FOXJ3: variants seen among roughly 807,000 people sequenced by gnomAD.
FOXJ3 encodes the protein forkhead box J3, also known as forkhead box protein J3.
A neutral mutation model predicts 76.1 loss-of-function variants in FOXJ3; 22 were observed. That is an observed-to-expected ratio of 0.29 (90% CI 0.21 to 0.41). The LOEUF (loss-of-function observed/expected upper bound fraction) is 0.41, where lower values mean the gene tolerates loss of function less well. Ranked by LOEUF, FOXJ3 falls within the 10% of genes least tolerant of loss-of-function variation. The probability of loss-of-function intolerance (pLI) is 1.00; values close to 1 mark genes in which losing one functional copy is unlikely to be tolerated. For synonymous variants in FOXJ3, 269 were observed against 261.2 expected (o/e 1.03, Z -0.29); for missense variants, 613 against 762.1 (o/e 0.80, Z 2.30).
In FOXJ3 at chr1:42,266,430, A is replaced by G. The variant is rs543277582; in HGVS notation, c.370-1241T>C. On this transcript the variant is annotated intron_variant, in intron 3 of 12. Transcript: ENST00000361346. ...GCTCAGGTTGCAAGGCAACCAAACC[A>G]CATTCCTAAGAGGAGCAAGGCTATT... Among the ~76,000 whole-genome samples the G allele has an allele frequency of 2.0e-5, 3 of 152,282 alleles. No individual in the cohort carries two copies. In the East Asian group the frequency reaches 5.8e-4, roughly 29 times the overall value.
intron 4 of FOXJ3, among the ~76,000 whole-genome samples, chr1:42,251,012 C>T (rs943683062): frequency 8.6e-5 from 13 of 151,708 alleles, no homozygotes; most frequent in Middle Eastern, 3.2e-3. Context: ...AAAGATGGGG[C>T]CAAAAGAATT....
intron 2 of FOXJ3, among the ~76,000 whole-genome samples, chr1:42,301,177 A>G (rs937618704): frequency 1.3e-5 from 2 of 151,984 alleles, no homozygotes; most frequent in East Asian, 1.9e-4. Context: ...ATACAATCCC[A>G]TATTTCTCCA....
chr1:42,191,194 A>C, intron 9 of FOXJ3, 109 bp downstream of exon 9: 1 of 993,642 alleles, frequency 1.0e-6, no homozygotes, highest in Non-Finnish European at 1.5e-6. Context: ...TATAGCAAGG[A>C]AACAGATGTA....
intron 3 of FOXJ3, among the ~76,000 whole-genome samples, chr1:42,268,017 A>AG (rs1326353711): frequency 6.6e-6 from 1 of 152,064 alleles, no homozygotes; most frequent in South Asian, 2.1e-4. Flanking sequence ...TCCCAGAAGG[A>AG]GAAAAAAAAG....
At chr1:42,292,506 T>A (rs1653505332) in intron 2 of FOXJ3, among the ~76,000 whole-genome samples, 1 of 152,190 alleles carries the variant, frequency 6.6e-6, no homozygotes. Context: ...GCAACACAGA[T>A]AAATCTCAAA....
At chr1:42,312,439 T>C (rs1008277447) in intron 1 of FOXJ3, among the ~76,000 whole-genome samples, 1 of 152,196 alleles carries the variant, frequency 6.6e-6, no homozygotes, top group Non-Finnish European at 1.5e-5. Flanking sequence ...GTTTAGAAGG[T>C]GATTGAAGTC....
intron 1 of FOXJ3, among the ~76,000 whole-genome samples, chr1:42,322,619 AT>A (rs899876655): frequency 6.6e-6 from 1 of 152,016 alleles, no homozygotes; most frequent in Admixed American, 6.6e-5. Context: ...TGGATAATTA[AT>A]TTTTTTCTTT....
chr1:42,220,910 T>G (rs1249891765), intron 5 of FOXJ3, among the ~76,000 whole-genome samples: 1 of 152,208 alleles, frequency 6.6e-6, no homozygotes. Flanking sequence ...TCTCCTAGGA[T>G]AGATACAAAA....
rs539256730 is a variant in FOXJ3 at position 42,319,265 on chromosome 1, C to T, written c.-17-8155G>A. ...TTTTGTTTAAAAAGTGGAAATAATC[C>T]AAATGCCCATCAACTGATGAATGGA... On this transcript the variant is annotated intron_variant, in intron 1 of 12. Transcript: ENST00000361346. 1.2e-4 allele frequency among the ~76,000 whole-genome samples: 18 copies of T among 151,950 alleles called. No homozygotes were observed. In the South Asian group the frequency reaches 2.9e-3, roughly 25 times the overall value.
At chr1:42,227,840 A>G in intron 5 of FOXJ3, 43 bp downstream of exon 5, 1 of 1,050,450 alleles carries the variant, frequency 9.5e-7, no homozygotes, top group Non-Finnish European at 1.4e-6. Context: ...TATTTCAGAC[A>G]TATTCAATGC....
At chr1:42,266,521 A>T (rs1217982182) in intron 3 of FOXJ3, among the ~76,000 whole-genome samples, 1 of 152,172 alleles carries the variant, frequency 6.6e-6, no homozygotes. Flanking sequence ...GATGGCCACC[A>T]TCCAAGCAGT....
chr1:42,292,930 T>C (rs561644621), intron 2 of FOXJ3, among the ~76,000 whole-genome samples: 1 of 152,176 alleles, frequency 6.6e-6, no homozygotes, highest in East Asian at 1.9e-4. Context: ...GTGAAATCCA[T>C]TTCTACAAAA....
chr1:42,229,695 A>C (rs1427379618), intron 4 of FOXJ3, among the ~76,000 whole-genome samples: 1 of 152,200 alleles, frequency 6.6e-6, no homozygotes, highest in East Asian at 1.9e-4. Context: ...GAACCCTATA[A>C]AATGCAGATG....
chr1:42,256,485 A>T (rs1262361308), intron 4 of FOXJ3, among the ~76,000 whole-genome samples: 1 of 152,060 alleles, frequency 6.6e-6, no homozygotes, highest in African/African-American at 2.4e-5. Flanking sequence ...GCTCAATATC[A>T]ACAGCCATCA....
At chr1:42,249,413 G>C (rs1570042440) in intron 4 of FOXJ3, among the ~76,000 whole-genome samples, 1 of 152,140 alleles carries the variant, frequency 6.6e-6, no homozygotes, top group African/African-American at 2.4e-5. Context: ...TGAAGGTTAA[G>C]AACTCAAAGG....
intron 6 of FOXJ3, among the ~76,000 whole-genome samples, chr1:42,204,855 ATC>A (rs1276977563): frequency 6.6e-6 from 1 of 152,164 alleles, no homozygotes; most frequent in Non-Finnish European, 1.5e-5. Flanking sequence ...TCTGATTATA[ATC>A]TGTCATCTGT....
chr1:42,180,686 A>C (rs763148592), intron 12 of FOXJ3, among the ~76,000 whole-genome samples: 3 of 152,156 alleles, frequency 2.0e-5, no homozygotes, highest in Non-Finnish European at 4.4e-5. Flanking sequence ...TAAGGTTTTC[A>C]GTATATCACA....
chr1:42,246,649 A>G (rs1333905853), intron 4 of FOXJ3, among the ~76,000 whole-genome samples: 1 of 152,016 alleles, frequency 6.6e-6, no homozygotes, highest in Non-Finnish European at 1.5e-5. Context: ...AAAAAACACT[A>G]AAAATAGAAC....
At chr1:42,294,686 C>T (rs763162403) in intron 2 of FOXJ3, among the ~76,000 whole-genome samples, 10 of 143,814 alleles carry the variant, frequency 7.0e-5, no homozygotes, top group African/African-American at 2.3e-4. Flanking sequence ...TGCTTGAACC[C>T]GGGAGGCGGA....
Sources: gnomAD v4.1 joint callset for allele counts (sites outside exome capture counted in the v4.1 genomes callset) on GRCh38, gnomAD v4.1.1 for gene constraint, MANE v1.5 for transcripts, NCBI Gene and HGNC (gene_info 2026-07-23, HGNC 2026-07-21) for gene names.